The following IRF4 variants were observed in gnomAD, a reference collection of about 807,000 sequenced individuals.
IRF4 encodes the protein lymphocyte-specific interferon regulatory factor.
Under a neutral mutation model 55.5 loss-of-function variants are expected in IRF4, and 13 were observed. The observed-to-expected ratio is 0.23, with a 90% confidence interval of 0.15 to 0.37. IRF4 has a LOEUF of 0.37. Ranked by LOEUF, IRF4 falls within the 10% of genes least tolerant of loss-of-function variation. The probability of loss-of-function intolerance (pLI) is 1.00; values close to 1 mark genes in which losing one functional copy is unlikely to be tolerated. For synonymous variants in IRF4, 249 were observed against 240.7 expected, an observed-to-expected ratio of 1.03 and a Z score of -0.32; for missense variants, 397 against 593.8, an observed-to-expected ratio of 0.67 and a Z score of 3.44.
rs115101373 is a variant in IRF4 at position 401,692 on chromosome 6, G to A, written c.1014G>A (p.Gly338=). The change falls in exon 7 of 9, where the codon GGG becomes GGA. Residue 338 remains glycine (G), a synonymous_variant. Coordinates refer to ENST00000380956, the MANE Select transcript of IRF4 (RefSeq NM_002460.4). ...GCCAGAGCAGGATCTACTGGGACGGGCCCCTGGCGCTGTGCAACGACCGGC... is the reference window on the plus strand; with the variant it reads ...GCCAGAGCAGGATCTACTGGGACGGACCCCTGGCGCTGTGCAACGACCGGC... ...RLCQSRIYWD[G]PLALCNDRPN... 1.9e-5 allele frequency: 30 copies of A among 1,614,222 alleles called. No individual in the cohort carries two copies. The East Asian group carries it at 6.2e-4, about 34-fold the overall frequency.
At chr6:407,323 G>C (rs972566443) in intron 8 of IRF4, 132 bp from the exon 9 acceptor site, 3 of 835,506 alleles carry the variant, frequency 3.6e-6, no homozygotes, top group South Asian at 2.6e-5. Context: ...CTCCAAATAT[G>C]AAATGTTTTG....
chr6:401,311 C>T (rs1002951553), intron 6 of IRF4, 113 bp from the exon 7 acceptor site: 31 of 782,004 alleles, frequency 4.0e-5, no homozygotes, highest in East Asian at 1.8e-4. Context: ...TGTTCCCCCA[C>T]GGGACATGTG....
chr6:401,296 C>T, intron 6 of IRF4, 128 bp from the exon 7 acceptor site: 1 of 692,396 alleles, frequency 1.4e-6, no homozygotes, highest in African/African-American at 1.8e-5. Flanking sequence ...GACGCGGGAA[C>T]CTTTTGTTCC....
intron 6 of IRF4, among the ~76,000 whole-genome samples, chr6:399,757 G>A (rs1296545124): frequency 6.6e-6 from 1 of 152,200 alleles, no homozygotes; most frequent in African/African-American, 2.4e-5. Context: ...GGAGGCGAGA[G>A]TTGTGGCACT....
At chr6:396,069 C>A in intron 4 of IRF4, 134 bp downstream of exon 4, 1 of 658,366 alleles carries the variant, frequency 1.5e-6, no homozygotes, top group Non-Finnish European at 2.6e-6. Context: ...CAGAAAAACC[C>A]CAGGTCACTG....
Position 395,870 on chromosome 6 carries a change from G to C in IRF4, c.427G>C (p.Asp143His). ...KKGAKQLTLE[D>H]PQMSMSHPYT... The stretch of plus-strand genomic sequence containing the variant: ...AGGAGCCAAGCAGCTCACCCTGGAG[G>C]ACCCGCAGATGTCCATGAGCCACCC... The change falls in exon 4 of 9, where the codon GAC (aspartate) becomes CAC (histidine). Residue 143 changes from aspartate (D) to histidine (H), a missense_variant. This residue lies in a region of IRF4 where 341 missense variants were observed against 548.1 expected (regional missense o/e 0.62). Coordinates refer to ENST00000380956, the MANE Select transcript of IRF4 (RefSeq NM_002460.4). The C allele has an allele frequency of 6.2e-7, 1 of 1,613,772 alleles. No individual in the cohort carries two copies. The highest frequency in any genetic ancestry group is 8.5e-7 in the Non-Finnish European group (1 of 1,179,868).
rs9392502 is a variant in IRF4 at position 410,608 on chromosome 6, C to G, written c.*3010C>G. The G allele has an allele frequency of 0.18, 42,015 of 230,824 alleles. 4,050 individuals carry two copies. The highest frequency in any genetic ancestry group is 0.32 in the East Asian group (5,182 of 16,416). 14.3% of individuals were successfully genotyped at this position (230,824 alleles called of 1,614,324 possible). On this transcript the variant is annotated 3_prime_UTR_variant, in exon 9 of 9. Transcript: ENST00000380956. The stretch of plus-strand genomic sequence containing the variant: ...AGCTAGCCCCAGGGGTGGAACAACT[C>G]TGGGAGTCTTGGGTACTCGCACCTC...
rs113635483 is a variant in IRF4, at chr6:406,816, A to G, written c.1213-639A>G. 1.7e-3 allele frequency: 2,028 copies of G among 1,190,828 alleles called. 18 individuals are homozygous for G. In the Middle Eastern group the frequency reaches 0.025, roughly 15 times the overall value. 73.8% of individuals were successfully genotyped at this position (1,190,828 alleles called of 1,614,324 possible). On this transcript the variant is annotated intron_variant, in intron 8 of 8. Coordinates refer to ENST00000380956, the MANE Select transcript of IRF4 (RefSeq NM_002460.4). ...TCATATATAAAATACAGTCTCTAAT[A>G]TCATGATTGATGGAGAGCATTCAGC...
At chr6:405,185 A>T (rs966811791) in intron 8 of IRF4, 55 bp downstream of exon 8, 1 of 964,316 alleles carries the variant, frequency 1.0e-6, no homozygotes, top group African/African-American at 1.6e-5. Context: ...TGTAAAGGCC[A>T]GAGTTTCATT....
At chr6:404,506 A>G (rs529919146) in intron 7 of IRF4, among the ~76,000 whole-genome samples, 1 of 152,334 alleles carries the variant, frequency 6.6e-6, no homozygotes, top group South Asian at 2.1e-4. Flanking sequence ...TTGACGTTAC[A>G]TATTTTCTGT....
Position 407,969 on chromosome 6 carries a change from G to C in IRF4, c.*371G>C, listed in dbSNP as rs55788549. ...TCAGTGACATCTGATTGGCAGATGA[G>C]CTTATTTCAAAAGGAAGGGTGGCTT... is the stretch of plus-strand genomic sequence containing the variant. On this transcript the variant is annotated 3_prime_UTR_variant, in exon 9 of 9. Transcript: ENST00000380956. 9.4e-3 allele frequency: 2,792 copies of C among 296,200 alleles called. 47 individuals are homozygous for C. The highest frequency in any genetic ancestry group is 0.042 in the African/African-American group (1,921 of 46,032). 18.3% of individuals were successfully genotyped at this position (296,200 alleles called of 1,614,324 possible). A position where few individuals can be genotyped will look rare whatever the true frequency, so the allele number is the denominator to read the frequency against.
At chr6:394,765 G>A in intron 2 of IRF4, 56 bp from the exon 3 acceptor site, 1 of 1,516,106 alleles carries the variant, frequency 6.6e-7, no homozygotes, top group Middle Eastern at 1.8e-4. Flanking sequence ...CAAAAAGAAA[G>A]CTAATAAACC....
At chr6:407,313 C>A in intron 8 of IRF4, 142 bp from the exon 9 acceptor site, 2 of 776,616 alleles carry the variant, frequency 2.6e-6, no homozygotes, top group Non-Finnish European at 3.9e-6. Flanking sequence ...CTTTAGATGG[C>A]TCCAAATATG....
chr6:406,739 A>T, intron 8 of IRF4: 1 of 1,148,518 alleles, frequency 8.7e-7, no homozygotes, highest in Non-Finnish European at 1.1e-6. Flanking sequence ...TTCCACTTTT[A>T]AAAATTATTA....
chr6:404,705 G>A (rs115371721), intron 7 of IRF4, among the ~76,000 whole-genome samples: 188 of 152,284 alleles, frequency 1.2e-3, no homozygotes, highest in African/African-American at 4.4e-3. Flanking sequence ...TTTATCTCCC[G>A]ACTTCACTGT....
Position 407,811 on chromosome 6 carries a change from G to T in IRF4, c.*213G>T. 2.0e-6 allele frequency: 1 copy of T among 512,708 alleles called. No individual in the cohort carries two copies. The highest frequency in any genetic ancestry group is 3.4e-6 in the Non-Finnish European group (1 of 296,378). The allele number at this position is 512,708 out of a possible 1,614,324, so 31.8% of individuals were successfully genotyped here. A position where few individuals can be genotyped will look rare whatever the true frequency, so the allele number is the denominator to read the frequency against. On this transcript the variant is annotated 3_prime_UTR_variant, in exon 9 of 9. Transcript: ENST00000380956. Reference sequence around the variant, plus strand: ...GAGCCACTGCACCCACCCAAGACAAGTGATTTTCATTGTAAATATTTGACT... The same window carrying T: ...GAGCCACTGCACCCACCCAAGACAATTGATTTTCATTGTAAATATTTGACT...
At chr6:405,203 G>GACTT in intron 8 of IRF4, 73 bp downstream of exon 8, 1 of 830,302 alleles carries the variant, frequency 1.2e-6, no homozygotes, top group Non-Finnish European at 2.0e-6. Flanking sequence ...ATTTAGAAAA[G>GACTT]TCCCAAATGA....
At chr6:392,881 C>G (rs954240177) in intron 1 of IRF4, among the ~76,000 whole-genome samples, 1 of 152,002 alleles carries the variant, frequency 6.6e-6, no homozygotes, top group Non-Finnish European at 1.5e-5. Context: ...TCGCGGGGGC[C>G]GAGCTCGGAA....
intron 6 of IRF4, among the ~76,000 whole-genome samples, chr6:400,463 A>G (rs1335504958): frequency 6.6e-6 from 1 of 152,236 alleles, no homozygotes; most frequent in Non-Finnish European, 1.5e-5. Flanking sequence ...CAGAGAGCGC[A>G]GTTTTAGAGT....
Sources: allele counts gnomAD v4.1 joint callset (sites outside exome capture counted in the v4.1 genomes callset), GRCh38; gene constraint gnomAD v4.1.1; regional missense constraint gnomAD v4.1.1; transcripts MANE v1.5; gene names NCBI Gene and HGNC (gene_info 2026-07-23, HGNC 2026-07-21).